Variants in OOSP1 observed in about 807,000 individuals in gnomAD.
OOSP1 encodes putative oocyte-secreted protein 1 homolog.
Under a neutral mutation model 5.7 loss-of-function variants are expected in OOSP1, and 11 were observed. The ratio of observed to expected loss-of-function variants is 1.94; its 90% CI spans 1.22 to 3.20. The LOEUF is 3.20. OOSP1 is among the 30% of genes most tolerant of loss of function. The probability of loss-of-function intolerance (pLI) is 0.00; values close to 1 mark genes in which losing one functional copy is unlikely to be tolerated. For synonymous variants in OOSP1, 44 were observed against 20.0 expected, an observed-to-expected ratio of 2.20 and a Z score of -3.20; for missense variants, 83 against 54.1, an observed-to-expected ratio of 1.53 and a Z score of -1.67.
intron 3 of OOSP1, among the ~76,000 whole-genome samples, chr11:59,946,414 C>T (rs1853884162): frequency 6.6e-6 from 1 of 152,210 alleles, no homozygotes; most frequent in Non-Finnish European, 1.5e-5. Flanking sequence ...ACCCCATCAC[C>T]TCCCACCAGG....
At chr11:59,948,245 G>A (rs1022309267) in intron 4 of OOSP1, among the ~76,000 whole-genome samples, 1 of 152,186 alleles carries the variant, frequency 6.6e-6, no homozygotes, top group Non-Finnish European at 1.5e-5. Flanking sequence ...CCCTGGGAAA[G>A]TGAACTCAGA....
At chr11:59,949,869 G>C (rs1033823804) in intron 4 of OOSP1, among the ~76,000 whole-genome samples, 1 of 152,152 alleles carries the variant, frequency 6.6e-6, no homozygotes, top group Non-Finnish European at 1.5e-5. Context: ...TCCTCAGCTA[G>C]GGGCAATTTT....
chr11:59,954,900 T>C (rs971258102), intron 4 of OOSP1, among the ~76,000 whole-genome samples: 2 of 152,070 alleles, frequency 1.3e-5, no homozygotes, highest in African/African-American at 4.8e-5. Context: ...TCTCCTTTGG[T>C]TTTCTTCTTC....
intron 3 of OOSP1, among the ~76,000 whole-genome samples, chr11:59,947,034 A>G (rs1853892404): frequency 6.6e-6 from 1 of 152,040 alleles, no homozygotes; most frequent in Non-Finnish European, 1.5e-5. Context: ...AACCATTTTG[A>G]TTAGGTCTTA....
chr11:59,945,142 G>A (rs970619021), intron 2 of OOSP1, 27 bp from the exon 3 acceptor site: 1 of 702,310 alleles, frequency 1.4e-6, no homozygotes, highest in South Asian at 1.5e-5. Flanking sequence ...GACAAACATG[G>A]GTTTAAAACC....
intron 3 of OOSP1, chr11:59,945,482 C>G: frequency 1.7e-6 from 1 of 591,976 alleles, no homozygotes; most frequent in Non-Finnish European, 3.1e-6. Flanking sequence ...TGGCTCACAC[C>G]TGTAATCCCA....
chr11:59,948,131 C>G (rs1224191630), intron 4 of OOSP1, among the ~76,000 whole-genome samples: 1 of 152,096 alleles, frequency 6.6e-6, no homozygotes, highest in Non-Finnish European at 1.5e-5. Context: ...CTATAATTAA[C>G]TTAAAAAGAA....
chr11:59,942,907 A>G (rs1212523212), exon 2 of OOSP1: 1 of 702,802 alleles, frequency 1.4e-6, no homozygotes, highest in African/African-American at 1.7e-5. Flanking sequence ...ACGATATTTT[A>G]CAATTTGTAT....
intron 1 of OOSP1, among the ~76,000 whole-genome samples, chr11:59,940,215 A>T (rs1209135735): frequency 6.6e-6 from 1 of 152,260 alleles, no homozygotes; most frequent in Non-Finnish European, 1.5e-5. Flanking sequence ...AACTAAGTTT[A>T]AAAAAGCAGG....
intron 4 of OOSP1, among the ~76,000 whole-genome samples, chr11:59,952,879 A>G (rs1207624754): frequency 6.6e-6 from 1 of 152,108 alleles, no homozygotes; most frequent in Non-Finnish European, 1.5e-5. Flanking sequence ...GTGGCTGCAA[A>G]TATTGATTTC....
intron 4 of OOSP1, among the ~76,000 whole-genome samples, chr11:59,951,393 G>A (rs75371699): frequency 0.059 from 8,981 of 152,152 alleles, 377 homozygotes; most frequent in Non-Finnish European, 0.085. Context: ...GGAAAGGCTA[G>A]GATTTTTAGA....
intron 4 of OOSP1, among the ~76,000 whole-genome samples, chr11:59,956,731 G>A (rs971319269): frequency 2.6e-5 from 4 of 152,032 alleles, no homozygotes; most frequent in African/African-American, 9.7e-5. Context: ...TGAGTCCCCA[G>A]AGTCCACTGT....
chr11:59,947,834 T>C (rs1237450959), exon 4 of OOSP1: 1 of 398,860 alleles, frequency 2.5e-6, no homozygotes, highest in Non-Finnish European at 4.4e-6. Flanking sequence ...AATGAAGACA[T>C]GGGCAGTAAC....
intron 2 of OOSP1, among the ~76,000 whole-genome samples, chr11:59,944,574 T>C (rs1590891334): frequency 6.6e-6 from 1 of 152,228 alleles, no homozygotes; most frequent in South Asian, 2.1e-4. Context: ...TTGAGAACCA[T>C]ATGCTAAATG....
At chr11:59,946,383 C>T (rs554456370) in intron 3 of OOSP1, among the ~76,000 whole-genome samples, 10 of 152,302 alleles carry the variant, frequency 6.6e-5, no homozygotes, top group East Asian at 3.9e-4. Flanking sequence ...CTAAACCATT[C>T]GTGAAGGGTC....
chr11:59,951,749 G>A (rs368796369), intron 4 of OOSP1, among the ~76,000 whole-genome samples: 9 of 125,568 alleles, frequency 7.2e-5, no homozygotes, highest in South Asian at 2.6e-4. Context: ...TCATTCTGTC[G>A]CCAGGCTAGA....
At chr11:59,952,682 G>C (rs752158910) in intron 4 of OOSP1, among the ~76,000 whole-genome samples, 2 of 152,104 alleles carry the variant, frequency 1.3e-5, no homozygotes, top group Non-Finnish European at 2.9e-5. Flanking sequence ...GACATGTTAG[G>C]TACAATGTAC....
chr11:59,952,208 C>T (rs1450086776), intron 4 of OOSP1, among the ~76,000 whole-genome samples: 1 of 152,072 alleles, frequency 6.6e-6, no homozygotes, highest in Non-Finnish European at 1.5e-5. Context: ...TGGGAGGATG[C>T]TTAAATATCC....
intron 1 of OOSP1, among the ~76,000 whole-genome samples, chr11:59,939,216 T>C (rs187168923): frequency 1.7e-3 from 261 of 151,630 alleles, no homozygotes; most frequent in Non-Finnish European, 2.8e-3. Context: ...CCTCCCTCTT[T>C]CTTTTCTTTC....
Sources: allele counts gnomAD v4.1 joint callset (sites outside exome capture counted in the v4.1 genomes callset), GRCh38; gene constraint gnomAD v4.1.1; transcripts MANE v1.5; gene names NCBI Gene and HGNC (gene_info 2026-07-23, HGNC 2026-07-21).